The following PDZD7 variants were observed in gnomAD, a reference collection of about 807,000 sequenced individuals.
The protein encoded by PDZD7 is PDZ domain-containing protein 7.
Under a neutral mutation model 84.7 loss-of-function variants are expected in PDZD7, and 72 were observed. The observed-to-expected ratio is 0.85, with a 90% CI of 0.70 to 1.03. The LOEUF (loss-of-function observed/expected upper bound fraction) is 1.03, where lower values mean the gene tolerates loss of function less well. PDZD7 is among the 50% of genes least tolerant of loss of function. The pLI is 0.00. For missense variants in PDZD7, 1,490 were observed against 1,412.9 expected (o/e 1.05, Z -0.87); for synonymous variants, 594 against 580.7 (o/e 1.02, Z -0.33).
Position 101,019,122 on chromosome 10 carries a change from G to T in PDZD7, c.1024C>A (p.Leu342Met). 1 of 1,549,222 alleles carries T rather than the reference G, an allele frequency of 6.5e-7. No individual in the cohort carries two copies. Among genetic ancestry groups the T allele is most frequent in the South Asian group, 1.2e-5 (1 of 85,088 alleles). ...CAGATGTCCATGCGGTCCGACGGCA[G>T]GGAGCCCGAGCTGTAGGGGGCGCTG... is the stretch of plus-strand genomic sequence containing the variant. ...ASSAPYSSGS[L>M]PSDRMDICLG... is the part of the protein sequence containing the mutation. The change falls in exon 8 of 17, where the codon CTG (leucine) becomes ATG (methionine). Residue 342 changes from leucine to methionine, a missense_variant. By Grantham distance (15) the Leu-to-Met change is conservative. Coordinates refer to ENST00000619208, the MANE Select transcript of PDZD7 (RefSeq NM_001195263.2).
At chr10:101,023,852 C>T in intron 3 of PDZD7, 76 bp downstream of exon 3, 3 of 1,609,674 alleles carry the variant, frequency 1.9e-6, no homozygotes, top group Non-Finnish European at 2.5e-6. Context: ...CTGTCCCTGA[C>T]AGCAGCATCC....
intron 14 of PDZD7, chr10:101,011,470 A>C: frequency 7.5e-7 from 1 of 1,336,692 alleles, no homozygotes; most frequent in Non-Finnish European, 9.8e-7. Flanking sequence ...CTAGATTTTA[A>C]AAGTGAGTGG....
chr10:101,023,178 G>C (rs1590068455), intron 4 of PDZD7: 1 of 488,724 alleles, frequency 2.0e-6, no homozygotes, highest in Non-Finnish European at 3.7e-6. Context: ...GTGGTGTTTT[G>C]CCTCTGGGTT....
At chr10:101,009,107 G>A in intron 16 of PDZD7, 143 bp downstream of exon 16, 2 of 814,564 alleles carry the variant, frequency 2.5e-6, no homozygotes, top group Admixed American at 2.8e-5. Flanking sequence ...TGCTCATCCT[G>A]CTCACCTGAA....
chr10:101,023,362 T>C (rs1853235548), intron 4 of PDZD7, 74 bp downstream of exon 4: 1 of 1,557,536 alleles, frequency 6.4e-7, no homozygotes, highest in East Asian at 2.3e-5. Flanking sequence ...CTCCTGCCAG[T>C]GGGTTTTGGG....
intron 2 of PDZD7, among the ~76,000 whole-genome samples, chr10:101,024,375 C>T (rs1937592813): frequency 6.6e-6 from 1 of 152,126 alleles, no homozygotes; most frequent in African/African-American, 2.4e-5. Flanking sequence ...TTCCAAGTAG[C>T]TAGGACTACA....
intron 9 of PDZD7, chr10:101,017,338 G>A (rs1852674515): frequency 2.5e-6 from 1 of 394,960 alleles, no homozygotes; most frequent in South Asian, 4.7e-5. Context: ...TTGCTCAGAT[G>A]TTTAGACCCA....
intron 3 of PDZD7, 49 bp from the exon 4 acceptor site, chr10:101,023,659 G>C: frequency 6.3e-7 from 1 of 1,596,218 alleles, no homozygotes; most frequent in Non-Finnish European, 8.5e-7. Flanking sequence ...GGGTGGGGCT[G>C]AGCCTCCCCC....
chr10:101,017,374 C>T (rs549289368), intron 9 of PDZD7: 19 of 430,402 alleles, frequency 4.4e-5, no homozygotes, highest in Non-Finnish European at 6.6e-5. Flanking sequence ...TGAGCCAAGA[C>T]GTGCTTTATT....
intron 16 of PDZD7, among the ~76,000 whole-genome samples, 173 bp downstream of exon 16, chr10:101,009,077 G>T (rs1044035509): frequency 6.6e-6 from 1 of 152,116 alleles, no homozygotes; most frequent in African/African-American, 2.4e-5. Flanking sequence ...AGCATGAGGG[G>T]ACAGAGTTTT....
At position 101,028,879 on chromosome 10, in the gene PDZD7, CA is replaced by C. The variant is rs1409026616; in HGVS notation, c.226+1114del. 3.3e-5 allele frequency among the ~76,000 whole-genome samples: 5 copies of C among 152,196 alleles called. No individual in the cohort carries two copies. In the East Asian group the frequency reaches 5.8e-4, roughly 18 times the overall value. ...GGGTGAAGCATAGACTGGTGTATGA[CA>C]GGGGTGAGCGTGCCAGGGCACTGGT... On this transcript the variant is annotated intron_variant, in intron 2 of 16. Transcript: ENST00000619208.
chr10:101,020,904 G>T (rs1180614306), intron 6 of PDZD7, among the ~76,000 whole-genome samples: 1 of 152,198 alleles, frequency 6.6e-6, no homozygotes, highest in Non-Finnish European at 1.5e-5. Flanking sequence ...AGATACAGGG[G>T]CCTTCCTGAA....
intron 2 of PDZD7, among the ~76,000 whole-genome samples, chr10:101,028,992 G>T (rs906747240): frequency 6.6e-6 from 1 of 152,228 alleles, no homozygotes; most frequent in Non-Finnish European, 1.5e-5. Context: ...TGGGTCAGAG[G>T]GGGAGGAGCA....
In PDZD7 at chr10:101,012,030, A is replaced by G. The variant is rs1045461761; in HGVS notation, c.1842-14T>C. 182 of 1,547,990 alleles carry G rather than the reference A, an allele frequency of 1.2e-4. No individual in the cohort carries two copies. The highest frequency in any genetic ancestry group is 1.4e-4 in the Non-Finnish European group (164 of 1,144,954). ...GCCACCACACTCCTGGGAGAGGGCG[A>G]GAGACAGCAGGGGTGGGAGGGGCAG... On this transcript the variant is annotated splice_polypyrimidine_tract_variant and intron_variant, in intron 12 of 16. Transcript: ENST00000619208.
At position 101,023,554 on chromosome 10, in the gene PDZD7, C is replaced by G; in HGVS notation, c.424G>C (p.Glu142Gln). The G allele has an allele frequency of 6.2e-7, 1 of 1,614,018 alleles. No homozygotes were observed. Among genetic ancestry groups the G allele is most frequent in the Non-Finnish European group, 8.5e-7 (1 of 1,180,028 alleles). The change falls in exon 4 of 17, where the codon GAG (glutamate) becomes CAG (glutamine). Residue 142 changes from glutamate (E) to glutamine (Q), a missense_variant. Coordinates refer to ENST00000619208, the MANE Select transcript of PDZD7 (RefSeq NM_001195263.2). ...KITEVNGLSL[E>Q]STTMGSAVKV... Reference sequence around the variant, plus strand: ...ACGGCGCTACCCATGGTGGTGCTCTCCAGGCTCAGCCCATTCACCTCCGTG... The same window carrying G: ...ACGGCGCTACCCATGGTGGTGCTCTGCAGGCTCAGCCCATTCACCTCCGTG...
At chr10:101,027,370 T>C (rs1433795469) in intron 2 of PDZD7, among the ~76,000 whole-genome samples, 1 of 152,100 alleles carries the variant, frequency 6.6e-6, no homozygotes, top group East Asian at 1.9e-4. Flanking sequence ...CCCAGGCCTT[T>C]AGAAGGTCAG....
chr10:101,011,140 A>C (rs967103071), intron 14 of PDZD7: 2 of 1,108,842 alleles, frequency 1.8e-6, no homozygotes, highest in African/African-American at 3.2e-5. Flanking sequence ...TCCCAGGTTC[A>C]AGCGAGTCTC....
Position 101,015,616 on chromosome 10 carries a change from C to A in PDZD7, c.1749+20G>T. 6.5e-7 allele frequency: 1 copy of A among 1,544,854 alleles called. No individual in the cohort carries two copies. The highest frequency in any genetic ancestry group is 8.8e-7 in the Non-Finnish European group (1 of 1,142,636). ...ACTGAAGGACCGTGTGCCAGGGCTG[C>A]GGATGGGATGAAGGCTTACCCGGGA... On this transcript the variant is annotated intron_variant, in intron 11 of 16. Coordinates refer to ENST00000619208, the MANE Select transcript of PDZD7 (RefSeq NM_001195263.2).
chr10:101,016,607 G>A (rs746794522), intron 9 of PDZD7, among the ~76,000 whole-genome samples, 180 bp from the exon 10 acceptor site: 2 of 152,254 alleles, frequency 1.3e-5, no homozygotes, highest in Admixed American at 6.5e-5. Context: ...TTCCTTCATA[G>A]GCAATGGGGA....
Sources: allele counts gnomAD v4.1 joint callset (sites outside exome capture counted in the v4.1 genomes callset), GRCh38; gene constraint gnomAD v4.1.1; transcripts MANE v1.5; gene names NCBI Gene and HGNC (gene_info 2026-07-23, HGNC 2026-07-21).